Variants in EFCAB13 observed in about 807,000 individuals in gnomAD.
The protein encoded by EFCAB13 is EF-hand calcium-binding domain-containing protein 13.
Under a neutral mutation model 110.2 loss-of-function variants are expected in EFCAB13, and 91 were observed. The observed-to-expected ratio is 0.83, with a 90% CI of 0.70 to 0.98. The LOEUF is 0.98. Among genes scored for constraint, EFCAB13 ranks in the 50% least tolerant of loss-of-function variants. The pLI is 0.00. For missense variants in EFCAB13, 968 were observed against 1,119.4 expected (o/e 0.86, Z 1.93); for synonymous variants, 323 against 369.9 (o/e 0.87, Z 1.45).
At chr17:47,365,761 G>A (rs919699079) in intron 10 of EFCAB13, among the ~76,000 whole-genome samples, 3 of 152,098 alleles carry the variant, frequency 2.0e-5, no homozygotes, top group Non-Finnish European at 4.4e-5. Context: ...TCTGCTTGGG[G>A]CAGAAAGAGG....
At chr17:47,327,953 A>C (rs1486886759) in intron 3 of EFCAB13, 1 of 306,428 alleles carries the variant, frequency 3.3e-6, no homozygotes, top group Non-Finnish European at 5.9e-6. Flanking sequence ...AACATGAGTG[A>C]TTACTACTGT....
chr17:47,329,906 G>GT (rs1458094222), intron 4 of EFCAB13: 4 of 152,032 alleles, frequency 2.6e-5, no homozygotes, highest in Admixed American at 2.6e-4. Context: ...CAACTTAAAG[G>GT]TATGCCTTTG....
chr17:47,335,469 T>C (rs1598718747), intron 5 of EFCAB13, 113 bp downstream of exon 5: 1 of 797,518 alleles, frequency 1.3e-6, no homozygotes, highest in Non-Finnish European at 1.8e-6. Context: ...TATAGGATCA[T>C]GCATATTTGT....
chr17:47,370,291 G>A, intron 10 of EFCAB13, 146 bp from the exon 11 acceptor site: 1 of 634,474 alleles, frequency 1.6e-6, no homozygotes, highest in Non-Finnish European at 2.8e-6. Context: ...ATTAATTCAT[G>A]ATTTCAGATT....
At chr17:47,430,096 G>A in intron 24 of EFCAB13, 135 bp downstream of exon 24, 1 of 1,339,604 alleles carries the variant, frequency 7.5e-7, no homozygotes, top group Non-Finnish European at 9.6e-7. Context: ...CACTGGTACT[G>A]CCCCTACAGG....
At chr17:47,354,106 T>A (rs990439948) in intron 9 of EFCAB13, among the ~76,000 whole-genome samples, 2 of 152,214 alleles carry the variant, frequency 1.3e-5, no homozygotes, top group African/African-American at 4.8e-5. Context: ...AAAGATTTTT[T>A]AAATTTCCAT....
chr17:47,385,514 C>G (rs187793878), intron 14 of EFCAB13, among the ~76,000 whole-genome samples: 3 of 152,050 alleles, frequency 2.0e-5, no homozygotes, highest in Non-Finnish European at 4.4e-5. Context: ...ATGTTCTTCT[C>G]TAAATTGGTT....
At chr17:47,392,333 A>C (rs1226892451) in intron 15 of EFCAB13, among the ~76,000 whole-genome samples, 1 of 152,200 alleles carries the variant, frequency 6.6e-6, no homozygotes, top group African/African-American at 2.4e-5. Flanking sequence ...TTATTTATTC[A>C]AAGCAATTCT....
intron 14 of EFCAB13, among the ~76,000 whole-genome samples, chr17:47,389,228 T>C (rs1053025560): frequency 6.6e-6 from 1 of 152,154 alleles, no homozygotes; most frequent in Admixed American, 6.5e-5. Flanking sequence ...TGTAGAGATG[T>C]GGTCTCCCTG....
At chr17:47,324,655 G>T (rs549279414) in intron 2 of EFCAB13, 132 bp downstream of exon 2, 1 of 152,298 alleles carries the variant, frequency 6.6e-6, no homozygotes, top group South Asian at 2.1e-4. Context: ...TCCCTCTGGC[G>T]AGAGAAAAGC....
chr17:47,387,221 TG>T (rs2065681379), intron 14 of EFCAB13, among the ~76,000 whole-genome samples: 1 of 152,238 alleles, frequency 6.6e-6, no homozygotes, highest in Non-Finnish European at 1.5e-5. Context: ...ACTTCTTTTG[TG>T]GCCTGACGTG....
chr17:47,378,789 A>AT (rs1352770402), intron 13 of EFCAB13, among the ~76,000 whole-genome samples: 2 of 152,150 alleles, frequency 1.3e-5, no homozygotes, highest in African/African-American at 2.4e-5. Flanking sequence ...AATGGATAGT[A>AT]TATTGAGTGG....
At chr17:47,421,624 T>TA (rs55780288) in intron 23 of EFCAB13, among the ~76,000 whole-genome samples, 1 of 123,040 alleles carries the variant, frequency 8.1e-6, no homozygotes, top group African/African-American at 3.2e-5. Flanking sequence ...GAATGAGCAA[T>TA]AAAAAAAAGA....
intron 5 of EFCAB13, among the ~76,000 whole-genome samples, chr17:47,340,676 C>T (rs999595868): frequency 2.6e-5 from 4 of 151,184 alleles, no homozygotes; most frequent in South Asian, 2.1e-4. Context: ...GATCTTGGCT[C>T]GCAACCTCTG....
intron 14 of EFCAB13, among the ~76,000 whole-genome samples, chr17:47,388,719 T>C (rs79293589): frequency 0.013 from 1,960 of 152,296 alleles, 38 homozygotes; most frequent in East Asian, 0.066. Flanking sequence ...AATTAACATT[T>C]GTATACATGT....
rs371212667 is a variant in EFCAB13 at position 47,324,974 on chromosome 17, T to A, written c.-248+451T>A. On this transcript the variant is annotated intron_variant, in intron 2 of 24. Transcript: ENST00000331493. ...CTTTCAAGTTTGTCAGTGTCCTCCG[T>A]GTTGTGAAACCTAGCGAACCATTCA... Among the ~76,000 whole-genome samples, 17 of 96,158 alleles carry A rather than the reference T, an allele frequency of 1.8e-4. No individual in the cohort carries two copies. The East Asian group carries it at 5.2e-3, about 29-fold the overall frequency. 63.1% of individuals were successfully genotyped at this position (96,158 alleles called of 152,430 possible). A position where few individuals can be genotyped will look rare whatever the true frequency, so the allele number is the denominator to read the frequency against.
At chr17:47,423,114 A>C (rs913897328) in intron 23 of EFCAB13, among the ~76,000 whole-genome samples, 9 of 152,344 alleles carry the variant, frequency 5.9e-5, no homozygotes, top group Non-Finnish European at 1.3e-4. Context: ...TATAGCATTC[A>C]CAAAATATGT....
intron 23 of EFCAB13, among the ~76,000 whole-genome samples, chr17:47,422,533 A>C (rs1281020404): frequency 6.6e-6 from 1 of 152,218 alleles, no homozygotes; most frequent in Admixed American, 6.5e-5. Context: ...GTTAATGAGC[A>C]AATTTATCAG....
At chr17:47,342,306 T>C (rs1199069930) in intron 6 of EFCAB13, among the ~76,000 whole-genome samples, 1 of 152,168 alleles carries the variant, frequency 6.6e-6, no homozygotes, top group Non-Finnish European at 1.5e-5. Flanking sequence ...TGCTAACATT[T>C]TTGCTTTTTT....
Sources: gnomAD v4.1 joint callset for allele counts (sites outside exome capture counted in the v4.1 genomes callset) on GRCh38, gnomAD v4.1.1 for gene constraint, MANE v1.5 for transcripts, NCBI Gene and HGNC (gene_info 2026-07-23, HGNC 2026-07-21) for gene names.